Variants in UNC13C observed in about 807,000 individuals in gnomAD.
UNC13C encodes unc-13 homolog C, also known as protein unc-13 homolog C.
In UNC13C, 174 loss-of-function variants were observed where a neutral mutation model predicts 245.4. The ratio of observed to expected loss-of-function variants is 0.71; its 90% CI spans 0.63 to 0.80. The LOEUF is 0.80. UNC13C is among the 30% of genes least tolerant of loss of function. The pLI, the probability that UNC13C is intolerant of heterozygous loss-of-function variation, is 0.00. For missense variants in UNC13C, 2,829 were observed against 2,602.9 expected, an observed-to-expected ratio of 1.09 and a Z score of -1.89; for synonymous variants, 992 against 895.1, an observed-to-expected ratio of 1.11 and a Z score of -1.93.
At chr15:53,887,143 G>A in the UNC13C span, among the ~76,000 whole-genome samples, 1 of 152,130 alleles carries the variant, frequency 6.6e-6, no homozygotes, top group Non-Finnish European at 1.5e-5. Flanking sequence ...TAACAAATGT[G>A]CCATACTAAT....
At chr15:54,055,641 G>A (rs565384651) in intron 2 of UNC13C, among the ~76,000 whole-genome samples, 1 of 152,052 alleles carries the variant, frequency 6.6e-6, no homozygotes, top group South Asian at 2.1e-4. Flanking sequence ...TACTTCTCCG[G>A]GTTGTTTCAT....
chr15:53,864,717 T>C, the UNC13C span, among the ~76,000 whole-genome samples: 26,369 of 152,158 alleles, frequency 0.17, 2,519 homozygotes, highest in African/African-American at 0.24. Context: ...CCTGAAGAAA[T>C]ACCCTCTTCC....
At chr15:54,629,273 T>C (rs974157052), downstream of UNC13C, 4 of 151,992 alleles carry the variant, frequency 2.6e-5, no homozygotes, top group East Asian at 5.8e-4. Context: ...CAACAGACAC[T>C]GTGGCCTACT....
chr15:53,867,771 C>T, the UNC13C span, among the ~76,000 whole-genome samples: 14 of 152,224 alleles, frequency 9.2e-5, no homozygotes, highest in East Asian at 2.5e-3. Flanking sequence ...ATAACTTTTG[C>T]ATTATTTTGC....
chr15:54,525,382 TC>T lies in UNC13C; in HGVS notation c.5458-165del, dbSNP rs1276967218. Among the ~76,000 whole-genome samples the T allele has an allele frequency of 5.3e-5, 8 of 150,046 alleles. No homozygotes were observed. The East Asian group carries it at 1.6e-3, about 29-fold the overall frequency. ...AGAACCCCTTGGTTTCTTTAAAGTTTCCTAAATGTTTAGATTTGATTTCAAA... is the reference window on the plus strand; with the variant it reads ...AGAACCCCTTGGTTTCTTTAAAGTTTCTAAATGTTTAGATTTGATTTCAAA... On this transcript the variant is annotated intron_variant, in intron 24 of 32. Transcript: ENST00000260323.
chr15:54,075,912 C>T (rs1898587031), intron 2 of UNC13C, among the ~76,000 whole-genome samples: 1 of 151,996 alleles, frequency 6.6e-6, no homozygotes. Flanking sequence ...CTCAACAGGA[C>T]TTTAGAGATT....
the UNC13C span, among the ~76,000 whole-genome samples, chr15:53,840,028 T>C: frequency 3.3e-5 from 5 of 152,098 alleles, no homozygotes; most frequent in African/African-American, 1.2e-4. Context: ...AAACTGCTAA[T>C]ATTTCCAGCG....
chr15:54,353,424 ACAATCAAT>A (rs1001596534), intron 17 of UNC13C, among the ~76,000 whole-genome samples: 4 of 152,226 alleles, frequency 2.6e-5, no homozygotes, highest in African/African-American at 4.8e-5. Flanking sequence ...GGGAAATGTC[ACAATCAAT>A]CAATCAATCA....
Position 54,293,929 on chromosome 15 carries a change from A to T in UNC13C, c.3853A>T (p.Arg1285Ter). 1 of 1,584,348 alleles carries T rather than the reference A, an allele frequency of 6.3e-7. No homozygotes were observed. The highest frequency in any genetic ancestry group is 1.7e-4 in the Middle Eastern group (1 of 5,950). Residue 1285 changes from arginine (R) to a stop codon, truncating the protein, a stop_gained, in exon 11 of 33, where the codon AGA (arginine) becomes TGA (stop). Transcript: ENST00000260323. LOFTEE classifies it high-confidence loss of function. ...CHNSTDRIKV[R>*]VWDEDDDIKS... The stretch of plus-strand genomic sequence containing the variant: ...TAACTCCACAGATCGAATCAAAGTC[A>T]GAGTATGGGATGAAGATGATGATAT...
At chr15:54,506,896 A>G (rs1029515143) in intron 22 of UNC13C, among the ~76,000 whole-genome samples, 1 of 151,590 alleles carries the variant, frequency 6.6e-6, no homozygotes, top group Admixed American at 6.6e-5. Flanking sequence ...ATCTTTAAGT[A>G]ATTGAAATAA....
the UNC13C span, among the ~76,000 whole-genome samples, chr15:53,956,810 T>C: frequency 6.6e-6 from 1 of 151,330 alleles, no homozygotes; most frequent in East Asian, 2.0e-4. Context: ...GAGTTGAGGA[T>C]GTCATGGAAC....
chr15:54,523,462 C>T (rs971035815), intron 24 of UNC13C, among the ~76,000 whole-genome samples: 4 of 152,134 alleles, frequency 2.6e-5, no homozygotes, highest in Non-Finnish European at 5.9e-5. Flanking sequence ...CCTATGTATC[C>T]AGAAATTAAA....
intron 1 of UNC13C, among the ~76,000 whole-genome samples, chr15:53,981,293 G>A (rs899912165): frequency 5.3e-5 from 8 of 151,962 alleles, no homozygotes; most frequent in South Asian, 2.1e-4. Context: ...TCTTTACTAC[G>A]GAAAGGCATT....
intron 4 of UNC13C, among the ~76,000 whole-genome samples, chr15:54,144,044 A>G (rs2032147356): frequency 6.6e-6 from 1 of 152,178 alleles, no homozygotes; most frequent in South Asian, 2.1e-4. Context: ...ACTTAATGAT[A>G]TATGTACATG....
intron 19 of UNC13C, among the ~76,000 whole-genome samples, chr15:54,487,053 C>G (rs1219805238): frequency 2.0e-5 from 3 of 152,120 alleles, no homozygotes; most frequent in Non-Finnish European, 1.5e-5. Flanking sequence ...CTAAGTGGAT[C>G]AATCAGAGAG....
chr15:54,232,302 G>T (rs577195939), intron 4 of UNC13C, among the ~76,000 whole-genome samples: 11 of 152,168 alleles, frequency 7.2e-5, no homozygotes, highest in Non-Finnish European at 1.5e-4. Context: ...AAATTCAGTG[G>T]TAAACTCAAA....
chr15:54,549,233 G>A (rs1896627051), intron 27 of UNC13C, among the ~76,000 whole-genome samples: 1 of 152,112 alleles, frequency 6.6e-6, no homozygotes, highest in African/African-American at 2.4e-5. Flanking sequence ...ATTTTAGAAG[G>A]AGCAATTCCA....
rs1331120711 is a variant in UNC13C, at chr15:53,978,802, A to G, written c.-382A>G. 6.6e-6 allele frequency among the ~76,000 whole-genome samples: 1 copy of G among 152,196 alleles called. No homozygotes were observed. The highest frequency in any genetic ancestry group is 1.5e-5 in the Non-Finnish European group (1 of 68,024). ...CTGTTCTAACTATTTGTGATTGAAA[A>G]AAGGAAACGAGACTAGAAACACAAT... On this transcript the variant is annotated 5_prime_UTR_variant, in exon 1 of 33. Coordinates refer to ENST00000260323, the MANE Select transcript of UNC13C (RefSeq NM_001080534.3).
the UNC13C span, among the ~76,000 whole-genome samples, chr15:53,883,039 T>C: frequency 8.8e-4 from 134 of 152,092 alleles, 4 homozygotes; most frequent in Admixed American, 8.5e-3. Flanking sequence ...CCCGCACATG[T>C]ACCCCTGAAC....
Sources: allele counts gnomAD v4.1 joint callset (sites outside exome capture counted in the v4.1 genomes callset), GRCh38; gene constraint gnomAD v4.1.1; transcripts MANE v1.5; gene names NCBI Gene and HGNC (gene_info 2026-07-23, HGNC 2026-07-21).